Variants in PPP2R2C observed in about 807,000 individuals in gnomAD.
The protein encoded by PPP2R2C is protein phosphatase 2 regulatory subunit Bgamma, also known as protein phosphatase 2, regulatory subunit B, gamma.
In PPP2R2C, 10 loss-of-function variants were observed where a neutral mutation model predicts 45.3. That is an observed-to-expected ratio of 0.22 (90% confidence interval 0.14 to 0.37). The LOEUF (loss-of-function observed/expected upper bound fraction) is 0.37. Among genes scored for constraint, PPP2R2C ranks in the 10% least tolerant of loss-of-function variants. The pLI, the probability that PPP2R2C is intolerant of heterozygous loss-of-function variation, is 1.00. For synonymous variants in PPP2R2C, 257 were observed against 245.4 expected (o/e 1.05, Z -0.44); for missense variants, 308 against 619.7 (o/e 0.50, Z 5.34).
chr4:6,401,969 C>T (rs977824877), intron 1 of PPP2R2C, among the ~76,000 whole-genome samples: 10 of 152,196 alleles, frequency 6.6e-5, no homozygotes, highest in Admixed American at 6.5e-4. Context: ...GGCTCTGTCA[C>T]TCACGCACTG....
At chr4:6,336,583 G>C (rs1732872006) in intron 6 of PPP2R2C, among the ~76,000 whole-genome samples, 1 of 107,582 alleles carries the variant, frequency 9.3e-6, no homozygotes, top group Admixed American at 9.5e-5. Flanking sequence ...CAAAGATGCT[G>C]TACAGAGTGA....
chr4:6,525,501 T>TAA (rs141263483), intron 2 of PPP2R2C, among the ~76,000 whole-genome samples: 3 of 151,108 alleles, frequency 2.0e-5, no homozygotes, highest in Non-Finnish European at 4.4e-5. Flanking sequence ...AGAGAAACCT[T>TAA]AAAAAAAAAC....
intron 1 of PPP2R2C, chr4:6,414,166 T>C: frequency 1.9e-6 from 2 of 1,050,870 alleles, no homozygotes; most frequent in East Asian, 3.0e-5. Flanking sequence ...CGGCCTAGTA[T>C]GCCTTTTTCC....
intron 1 of PPP2R2C, among the ~76,000 whole-genome samples, chr4:6,443,230 G>A (rs1462895034): frequency 2.6e-5 from 4 of 152,178 alleles, no homozygotes; most frequent in African/African-American, 9.7e-5. Context: ...CGCCTGGCAG[G>A]ACTAATTCCA....
chr4:6,472,972 A>G (rs113162149), upstream of PPP2R2C, among the ~76,000 whole-genome samples: 390 of 152,094 alleles, frequency 2.6e-3, 2 homozygotes, highest in African/African-American at 8.8e-3. Flanking sequence ...GTGGGGTCGC[A>G]GTTGAAGAGG....
intron 1 of PPP2R2C, among the ~76,000 whole-genome samples, chr4:6,413,018 T>C (rs1253395530): frequency 6.6e-6 from 1 of 152,248 alleles, no homozygotes; most frequent in Non-Finnish European, 1.5e-5. Context: ...CAGTCTATGG[T>C]ATCTTTGTTA....
intron 6 of PPP2R2C, 57 bp downstream of exon 6, chr4:6,347,789 T>TGCCCCCC: frequency 1.9e-6 from 2 of 1,033,610 alleles, no homozygotes; most frequent in African/African-American, 1.6e-5. Flanking sequence ...GGACAGGACA[T>TGCCCCCC]CCCACCCGCC....
intron 2 of PPP2R2C, among the ~76,000 whole-genome samples, chr4:6,482,460 T>C (rs1722387368): frequency 6.6e-6 from 1 of 152,188 alleles, no homozygotes; most frequent in Non-Finnish European, 1.5e-5. Flanking sequence ...GGCTGGTACA[T>C]CTTTTGTTAG....
intron 1 of PPP2R2C, among the ~76,000 whole-genome samples, chr4:6,548,300 C>A (rs1012253193): frequency 3.3e-5 from 5 of 152,180 alleles, no homozygotes; most frequent in African/African-American, 1.2e-4. Context: ...CTCAGCCTCT[C>A]TGAGCCTCCC....
At chr4:6,382,821 A>G (rs1006241914) in intron 1 of PPP2R2C, 17 of 1,041,170 alleles carry the variant, frequency 1.6e-5, no homozygotes, top group Non-Finnish European at 2.1e-5. Flanking sequence ...CCTGGCTATG[A>G]CGTAGCCTCA....
intron 1 of PPP2R2C, among the ~76,000 whole-genome samples, chr4:6,391,964 C>T (rs76978415): frequency 0.066 from 10,034 of 152,272 alleles, 446 homozygotes; most frequent in Non-Finnish European, 0.097. Context: ...CCCTCCGAGG[C>T]GCCAGGTTTA....
rs148895434 is a variant in PPP2R2C, at chr4:6,329,538, G to T, written c.961-185C>A. Among the ~76,000 whole-genome samples, 33 of 152,036 alleles carry T rather than the reference G, an allele frequency of 2.2e-4. No homozygotes were observed. Among genetic ancestry groups the T allele is most frequent in the African/African-American group, 7.5e-4 (31 of 41,408 alleles). ...GACACAGCCCTGCTCATCTCATCGGGAGGCCCATGACCAGGCACACGGCTG... is the reference window on the plus strand; with the variant it reads ...GACACAGCCCTGCTCATCTCATCGGTAGGCCCATGACCAGGCACACGGCTG... On this transcript the variant is annotated intron_variant, in intron 7 of 8. Coordinates refer to ENST00000382599, the MANE Select transcript of PPP2R2C (RefSeq NM_020416.4). The surrounding 1 kb of genome is among the most constrained non-coding windows in gnomAD (Gnocchi z 5.8).
At chr4:6,384,617 A>T in intron 1 of PPP2R2C, 1 of 985,460 alleles carries the variant, frequency 1.0e-6, no homozygotes. Context: ...AATGCTATTA[A>T]ATTAAAATGC....
At chr4:6,438,510 A>G (rs941646083) in intron 1 of PPP2R2C, among the ~76,000 whole-genome samples, 4 of 152,222 alleles carry the variant, frequency 2.6e-5, no homozygotes, top group Admixed American at 2.0e-4. Context: ...AGCCCCTTCC[A>G]TTAAATGACC....
At chr4:6,456,854 ACT>A (rs1308581853) in intron 1 of PPP2R2C, among the ~76,000 whole-genome samples, 2 of 152,156 alleles carry the variant, frequency 1.3e-5, no homozygotes, top group Non-Finnish European at 2.9e-5. Context: ...TGCGGTGACC[ACT>A]CTGACCACTT....
At chr4:6,508,547 C>T (rs1202584265) in intron 2 of PPP2R2C, among the ~76,000 whole-genome samples, 5 of 151,960 alleles carry the variant, frequency 3.3e-5, no homozygotes, top group Non-Finnish European at 7.4e-5. Flanking sequence ...CAAGATCGTG[C>T]CACTGCACTC....
intron 1 of PPP2R2C, among the ~76,000 whole-genome samples, chr4:6,396,064 C>T (rs974052149): frequency 6.6e-6 from 1 of 152,222 alleles, no homozygotes; most frequent in Admixed American, 6.5e-5. Context: ...GCATTACACA[C>T]AGTGTGTGCG....
chr4:6,325,340 C>A (rs2109149118), intron 8 of PPP2R2C, among the ~76,000 whole-genome samples: 1 of 152,290 alleles, frequency 6.6e-6, no homozygotes, highest in East Asian at 1.9e-4. Context: ...CAAAGCCGCA[C>A]CCGCTTTATA....
chr4:6,508,606 A>G (rs938620916), intron 2 of PPP2R2C, among the ~76,000 whole-genome samples: 46 of 151,500 alleles, frequency 3.0e-4, no homozygotes, highest in African/African-American at 1.0e-3. Flanking sequence ...AGAAAAAGAA[A>G]AAGAAAAAAG....
Sources: gnomAD v4.1 joint callset for allele counts (sites outside exome capture counted in the v4.1 genomes callset) on GRCh38, gnomAD v4.1.1 for gene constraint, Gnocchi (gnomAD v3.1) non-coding constraint, MANE v1.5 for transcripts, NCBI Gene and HGNC (gene_info 2026-07-23, HGNC 2026-07-21) for gene names.